HEMK2: variants seen among roughly 807,000 people sequenced by gnomAD.
HEMK2 encodes the protein methyltransferase HEMK2.
At chr21:28,699,586 A>G in the HEMK2 span, among the ~76,000 whole-genome samples, 1 of 152,234 alleles carries the variant, frequency 6.6e-6, no homozygotes, top group Non-Finnish European at 1.5e-5. Flanking sequence ...TAAAGGTAAA[A>G]ATAAAATTGC....
At chr21:28,653,054 G>T in the HEMK2 span, among the ~76,000 whole-genome samples, 1 of 152,196 alleles carries the variant, frequency 6.6e-6, no homozygotes, top group Middle Eastern at 3.4e-3. Flanking sequence ...GAAAGTGGGT[G>T]TGATTATAAA....
chr21:28,668,756 T>C, the HEMK2 span, among the ~76,000 whole-genome samples: 71 of 152,232 alleles, frequency 4.7e-4, no homozygotes, highest in African/African-American at 1.5e-3. Context: ...TAACCGTGTA[T>C]TAGTGATATA....
At chr21:28,791,698 G>A in the HEMK2 span, among the ~76,000 whole-genome samples, 1 of 152,104 alleles carries the variant, frequency 6.6e-6, no homozygotes, top group African/African-American at 2.4e-5. Context: ...TTTGTGCCTG[G>A]GTTGACCATG....
the HEMK2 span, among the ~76,000 whole-genome samples, chr21:28,734,018 G>A: frequency 6.6e-6 from 1 of 152,228 alleles, no homozygotes. Context: ...TTTCCTGAGA[G>A]AGGGTATTAA....
the HEMK2 span, chr21:28,671,196 G>A: frequency 7.9e-5 from 12 of 152,168 alleles, no homozygotes; most frequent in African/African-American, 2.9e-4. Context: ...TATTTCTCCT[G>A]TACTTCATCT....
At chr21:28,716,687 T>G in the HEMK2 span, among the ~76,000 whole-genome samples, 2 of 152,152 alleles carry the variant, frequency 1.3e-5, no homozygotes, top group African/African-American at 4.8e-5. Flanking sequence ...CCTCATCTTG[T>G]TCCAGGTCTT....
At chr21:28,640,393 G>C in the HEMK2 span, among the ~76,000 whole-genome samples, 3 of 152,164 alleles carry the variant, frequency 2.0e-5, no homozygotes, top group African/African-American at 7.2e-5. Flanking sequence ...CGAGGGCACA[G>C]GATGGACACG....
the HEMK2 span, among the ~76,000 whole-genome samples, chr21:28,696,290 G>GT: frequency 2.6e-5 from 4 of 152,140 alleles, no homozygotes; most frequent in African/African-American, 9.7e-5. Flanking sequence ...CACAACCGGG[G>GT]TACAGGCATT....
chr21:28,656,790 A>G, the HEMK2 span, among the ~76,000 whole-genome samples: 1 of 152,112 alleles, frequency 6.6e-6, no homozygotes, highest in African/African-American at 2.4e-5. Flanking sequence ...AAGGCAATAT[A>G]GTACAAGGAC....
At chr21:28,776,235 G>A in the HEMK2 span, among the ~76,000 whole-genome samples, 1 of 152,204 alleles carries the variant, frequency 6.6e-6, no homozygotes, top group African/African-American at 2.4e-5. Context: ...AAAACTTGAA[G>A]CATGAAGAAA....
the HEMK2 span, chr21:28,876,305 T>C: frequency 1.1e-6 from 1 of 945,008 alleles, no homozygotes; most frequent in Non-Finnish European, 1.6e-6. Context: ...ATAAAATTCC[T>C]TGTTACCTAA....
At chr21:28,836,741 C>T in the HEMK2 span, among the ~76,000 whole-genome samples, 1 of 151,956 alleles carries the variant, frequency 6.6e-6, no homozygotes, top group Non-Finnish European at 1.5e-5. Flanking sequence ...ACTCACCAAC[C>T]AACCATCTGC....
At chr21:28,873,026 G>GTCTT in the HEMK2 span, 1 of 152,164 alleles carries the variant, frequency 6.6e-6, no homozygotes, top group African/African-American at 2.4e-5. Context: ...GTTTACCCTT[G>GTCTT]TCAACTTGGC....
the HEMK2 span, among the ~76,000 whole-genome samples, chr21:28,677,338 C>T: frequency 4.6e-5 from 7 of 152,184 alleles, no homozygotes; most frequent in Admixed American, 2.6e-4. Flanking sequence ...AAGGTGGCAG[C>T]GAGGCTGGGG....
chr21:28,877,450 G>A, the HEMK2 span, among the ~76,000 whole-genome samples: 1 of 149,846 alleles, frequency 6.7e-6, no homozygotes, highest in African/African-American at 2.5e-5. Context: ...AGGACAGATG[G>A]ACAGAAGGAA....
the HEMK2 span, among the ~76,000 whole-genome samples, chr21:28,627,835 G>T: frequency 6.6e-6 from 1 of 152,180 alleles, no homozygotes; most frequent in Non-Finnish European, 1.5e-5. Flanking sequence ...AAGTACCACT[G>T]ATTGGTTGCT....
chr21:28,841,051 ATAT>A, the HEMK2 span, among the ~76,000 whole-genome samples: 6 of 70,168 alleles, frequency 8.6e-5, 1 homozygote, highest in Admixed American at 2.4e-4. Context: ...ATATAAATAA[ATAT>A]TATATATAAA....
chr21:28,883,540 T>C, the HEMK2 span, among the ~76,000 whole-genome samples: 3 of 140,714 alleles, frequency 2.1e-5, no homozygotes, highest in Admixed American at 7.2e-5. Flanking sequence ...CCTAGAGAAT[T>C]AAAAGGTCCC....
chr21:28,765,158 A>C, the HEMK2 span, among the ~76,000 whole-genome samples: 6 of 152,090 alleles, frequency 3.9e-5, no homozygotes, highest in Non-Finnish European at 7.4e-5. Context: ...ACCTCCAGCT[A>C]ACAACCAGCA....
Sources: allele counts gnomAD v4.1 joint callset (sites outside exome capture counted in the v4.1 genomes callset), GRCh38; gene constraint gnomAD v4.1.1; transcripts MANE v1.5; gene names NCBI Gene and HGNC (gene_info 2026-07-23, HGNC 2026-07-21).